Variants in ROBO1 observed in about 807,000 individuals in gnomAD.
ROBO1 encodes roundabout guidance receptor 1.
Under a neutral mutation model 195.9 loss-of-function variants are expected in ROBO1, and 149 were observed. The observed-to-expected ratio is 0.76, with a 90% confidence interval of 0.67 to 0.87. The LOEUF (loss-of-function observed/expected upper bound fraction) is 0.87. ROBO1 is among the 40% of genes least tolerant of loss of function. The pLI is 0.00. For missense variants in ROBO1, 1,933 were observed against 2,068.3 expected (o/e 0.93, Z 1.27); for synonymous variants, 816 against 733.2 (o/e 1.11, Z -1.82).
At chr3:78,887,253 T>G (rs1326472993) in intron 4 of ROBO1, among the ~76,000 whole-genome samples, 1 of 152,072 alleles carries the variant, frequency 6.6e-6, no homozygotes, top group Non-Finnish European at 1.5e-5. Flanking sequence ...AGGCCTTGCA[T>G]GAAAAATTTG....
rs374115510 is a variant in ROBO1, at chr3:78,898,424, G to A, written c.499+40177C>T. 3.6e-5 allele frequency among the ~76,000 whole-genome samples: 4 copies of A among 111,802 alleles called. No individual in the cohort carries two copies. In the East Asian group the frequency reaches 8.4e-4, roughly 23 times the overall value. 73.3% of individuals were successfully genotyped at this position (111,802 alleles called of 152,430 possible). ...TTTTTTTGAGACGGAGTCTTGCTCT[G>A]TCGCCCAGGCTGGAGTGCAGTGGCG... On this transcript the variant is annotated intron_variant, in intron 4 of 30. Coordinates refer to ENST00000464233, the MANE Select transcript of ROBO1 (RefSeq NM_002941.4).
intron 2 of ROBO1, among the ~76,000 whole-genome samples, chr3:79,563,679 G>T (rs1198067815): frequency 6.6e-6 from 1 of 152,024 alleles, no homozygotes; most frequent in Non-Finnish European, 1.5e-5. Context: ...ATTTTTGTGT[G>T]TCATAAAGTT....
At chr3:78,608,758 A>G (rs1703616743) in intron 28 of ROBO1, among the ~76,000 whole-genome samples, 1 of 152,136 alleles carries the variant, frequency 6.6e-6, no homozygotes, top group Non-Finnish European at 1.5e-5. Flanking sequence ...CAGAAAAATC[A>G]ATATTATTTC....
intron 2 of ROBO1, among the ~76,000 whole-genome samples, chr3:79,155,450 C>A (rs2080842221): frequency 1.3e-5 from 2 of 151,654 alleles, no homozygotes; most frequent in African/African-American, 4.8e-5. Context: ...AAAAATAAGA[C>A]CTTTTTTCTT....
At chr3:79,600,646 CTGA>C (rs1345222606) in intron 1 of ROBO1, among the ~76,000 whole-genome samples, 1 of 96,924 alleles carries the variant, frequency 1.0e-5, no homozygotes, top group Non-Finnish European at 2.6e-5. Context: ...AGAACGCCTG[CTGA>C]TTTTTTTTTT....
Position 78,659,740 on chromosome 3 carries a change from A to C in ROBO1, c.2388T>G (p.Val796=). ...KNDGNGTAIL[V]SWQPPPEDTQ... ...TGTCTTCTGGAGGTGGCTGCCAACT[A>C]ACTAGAATTGCAGTTCCGTTTCCAT... Residue 796 remains valine, a synonymous_variant, in exon 17 of 31, where the codon GTT becomes GTG. Transcript: ENST00000464233. 6.3e-7 allele frequency: 1 copy of C among 1,590,574 alleles called. No individual in the cohort carries two copies. The highest frequency in any genetic ancestry group is 8.6e-7 in the Non-Finnish European group (1 of 1,167,258).
intron 2 of ROBO1, among the ~76,000 whole-genome samples, chr3:79,225,990 T>G (rs2082220986): frequency 6.6e-6 from 1 of 152,158 alleles, no homozygotes; most frequent in Non-Finnish European, 1.5e-5. Flanking sequence ...ATGATTACTC[T>G]GAATTTTTAA....
intron 2 of ROBO1, among the ~76,000 whole-genome samples, chr3:79,563,094 T>C (rs118054928): frequency 1.3e-5 from 2 of 152,194 alleles, no homozygotes; most frequent in East Asian, 1.9e-4. Context: ...AAATACTATA[T>C]AAAGTGTCAA....
At chr3:78,871,398 C>A (rs562858800) in intron 4 of ROBO1, among the ~76,000 whole-genome samples, 1 of 152,048 alleles carries the variant, frequency 6.6e-6, no homozygotes, top group African/African-American at 2.4e-5. Context: ...TTCATCCTTT[C>A]TATTGGTTTA....
intron 2 of ROBO1, among the ~76,000 whole-genome samples, chr3:79,533,775 G>T (rs754480531): frequency 1.3e-5 from 2 of 152,070 alleles, no homozygotes; most frequent in Non-Finnish European, 2.9e-5. Flanking sequence ...ACTGTACTGT[G>T]TTTACTATCT....
intron 3 of ROBO1, among the ~76,000 whole-genome samples, chr3:78,990,554 T>C (rs936452123): frequency 6.6e-6 from 1 of 152,188 alleles, no homozygotes; most frequent in Non-Finnish European, 1.5e-5. Flanking sequence ...TTATTATTTA[T>C]AAGTATTGTA....
chr3:79,554,763 A>C (rs1942639649), intron 2 of ROBO1, among the ~76,000 whole-genome samples: 1 of 152,094 alleles, frequency 6.6e-6, no homozygotes, highest in Non-Finnish European at 1.5e-5. Context: ...TGGAATCAGA[A>C]GAAGTATGTG....
chr3:78,870,441 T>C (rs2035478549), intron 4 of ROBO1, among the ~76,000 whole-genome samples: 1 of 152,176 alleles, frequency 6.6e-6, no homozygotes, highest in Non-Finnish European at 1.5e-5. Flanking sequence ...GATTGAAGCA[T>C]CTCATTCTCA....
intron 2 of ROBO1, chr3:79,526,556 C>T (rs1259074067): frequency 2.6e-5 from 4 of 152,138 alleles, no homozygotes; most frequent in South Asian, 2.1e-4. Context: ...TGAATACATA[C>T]GTCATTTGAC....
chr3:79,387,542 T>G (rs1032010629), intron 2 of ROBO1, among the ~76,000 whole-genome samples: 6 of 151,754 alleles, frequency 4.0e-5, no homozygotes, highest in Non-Finnish European at 8.8e-5. Flanking sequence ...CCATCATGGT[T>G]AGCAAGTCTT....
chr3:78,643,210 A>G (rs1706075653), intron 21 of ROBO1, among the ~76,000 whole-genome samples: 1 of 152,174 alleles, frequency 6.6e-6, no homozygotes, highest in Non-Finnish European at 1.5e-5. Flanking sequence ...AGCTTATTTG[A>G]TAACTACTCA....
intron 2 of ROBO1, among the ~76,000 whole-genome samples, chr3:79,525,571 T>C (rs976849463): frequency 6.8e-6 from 1 of 147,858 alleles, no homozygotes; most frequent in African/African-American, 2.5e-5. Flanking sequence ...TATATATATT[T>C]TTTTTGGTAT....
intron 2 of ROBO1, among the ~76,000 whole-genome samples, chr3:79,380,626 T>G (rs1400943336): frequency 1.3e-5 from 2 of 152,118 alleles, no homozygotes; most frequent in Non-Finnish European, 2.9e-5. Flanking sequence ...ATCTACCATA[T>G]TATTTGAAAA....
intron 14 of ROBO1, among the ~76,000 whole-genome samples, chr3:78,664,749 G>A (rs987118860): frequency 6.6e-6 from 1 of 152,242 alleles, no homozygotes; most frequent in African/African-American, 2.4e-5. Context: ...GCTCCCTTAT[G>A]AATCACTTTC....
Sources: gnomAD v4.1 joint callset for allele counts (sites outside exome capture counted in the v4.1 genomes callset) on GRCh38, gnomAD v4.1.1 for gene constraint, MANE v1.5 for transcripts, NCBI Gene and HGNC (gene_info 2026-07-23, HGNC 2026-07-21) for gene names.